NCBP3: variants seen among roughly 807,000 people sequenced by gnomAD.
The protein encoded by NCBP3 is nuclear cap-binding protein subunit 3.
Under a neutral mutation model 75.7 loss-of-function variants are expected in NCBP3, and 20 were observed. The ratio of observed to expected loss-of-function variants is 0.26; its 90% CI spans 0.19 to 0.38. NCBP3 has a LOEUF of 0.38. Among genes scored for constraint, NCBP3 ranks in the 10% least tolerant of loss-of-function variants. The pLI is 1.00. For synonymous variants in NCBP3, 293 were observed against 290.5 expected (o/e 1.01, Z -0.09); for missense variants, 678 against 796.9 (o/e 0.85, Z 1.80).
chr17:3,838,594 C>T (rs75843007), intron 3 of NCBP3, among the ~76,000 whole-genome samples: 6 of 152,288 alleles, frequency 3.9e-5, no homozygotes, highest in Middle Eastern at 3.4e-3. Context: ...TGAGGAGGGA[C>T]GCAATATCAG....
intron 11 of NCBP3, 21 bp downstream of exon 11, chr17:3,816,095 A>G: frequency 6.2e-7 from 1 of 1,602,020 alleles, no homozygotes; most frequent in South Asian, 1.1e-5. Flanking sequence ...TCCAGCCAGG[A>G]ATCCAAGTGA....
chr17:3,816,350 G>T, intron 10 of NCBP3, 80 bp from the exon 11 acceptor site: 1 of 1,264,084 alleles, frequency 7.9e-7, no homozygotes, highest in Non-Finnish European at 1.1e-6. Flanking sequence ...CTCATACTTT[G>T]GAGGAAACAA....
intron 12 of NCBP3, among the ~76,000 whole-genome samples, chr17:3,813,696 C>T (rs1184117047): frequency 6.6e-6 from 1 of 152,116 alleles, no homozygotes; most frequent in African/African-American, 2.4e-5. Context: ...TAGAGAAATA[C>T]GTGTTTAGAA....
At position 3,805,292 on chromosome 17, in the gene NCBP3, A is replaced by C. The variant is rs1014518772; in HGVS notation, c.*7752T>G. 6.6e-6 allele frequency: 1 copy of C among 152,210 alleles called. No individual in the cohort carries two copies. Among genetic ancestry groups the C allele is most frequent in the Non-Finnish European group, 1.5e-5 (1 of 68,072 alleles). 9.4% of individuals were successfully genotyped at this position (152,210 alleles called of 1,614,324 possible). ...TGGTGTGTAAACTTTAAAAAAGCAG[A>C]GATTTCATCCCACAAATGCAGACTG... On this transcript the variant is annotated 3_prime_UTR_variant, in exon 13 of 13. Coordinates refer to ENST00000389005, the MANE Select transcript of NCBP3 (RefSeq NM_001114118.3).
chr17:3,834,665 T>C (rs1382054641), intron 3 of NCBP3, among the ~76,000 whole-genome samples: 1 of 152,042 alleles, frequency 6.6e-6, no homozygotes, highest in Non-Finnish European at 1.5e-5. Flanking sequence ...ATCCCAGTAC[T>C]TTGGGAAGCT....
At chr17:3,831,298 G>A (rs2053873249) in intron 3 of NCBP3, among the ~76,000 whole-genome samples, 1 of 151,810 alleles carries the variant, frequency 6.6e-6, no homozygotes, top group East Asian at 1.9e-4. Flanking sequence ...TTAAGGTCGG[G>A]CGCGGTCGCT....
chr17:3,833,839 T>C (rs527997215), intron 3 of NCBP3, among the ~76,000 whole-genome samples: 35 of 152,320 alleles, frequency 2.3e-4, no homozygotes, highest in Non-Finnish European at 2.9e-4. Flanking sequence ...TAAAATTAAA[T>C]TTTTTGTCAG....
At chr17:3,830,123 C>T (rs990823181) in intron 3 of NCBP3, among the ~76,000 whole-genome samples, 7 of 152,074 alleles carry the variant, frequency 4.6e-5, no homozygotes, top group Non-Finnish European at 7.4e-5. Context: ...ATCGTCACTG[C>T]GGAGGGCAAA....
intron 3 of NCBP3, among the ~76,000 whole-genome samples, chr17:3,829,626 C>T (rs141293200): frequency 4.7e-4 from 71 of 152,336 alleles, no homozygotes; most frequent in East Asian, 1.3e-3. Flanking sequence ...ATAAAATACA[C>T]GATACCTCTC....
At chr17:3,826,050 G>A in intron 5 of NCBP3, 37 bp downstream of exon 5, 2 of 1,539,902 alleles carry the variant, frequency 1.3e-6, no homozygotes, top group Non-Finnish European at 1.8e-6. Flanking sequence ...TAAAGAAGAG[G>A]ACTTTCAGAC....
Position 3,807,316 on chromosome 17 carries a change from T to C in NCBP3, c.*5728A>G, listed in dbSNP as rs907720122. 6 of 152,268 alleles carry C rather than the reference T, an allele frequency of 3.9e-5. No homozygotes were observed. The highest frequency in any genetic ancestry group is 1.4e-4 in the African/African-American group (6 of 41,468). 9.4% of individuals were successfully genotyped at this position (152,268 alleles called of 1,614,324 possible). A position where few individuals can be genotyped will look rare whatever the true frequency, so the allele number is the denominator to read the frequency against. On this transcript the variant is annotated 3_prime_UTR_variant, in exon 13 of 13. Coordinates refer to ENST00000389005, the MANE Select transcript of NCBP3 (RefSeq NM_001114118.3). ...ATTTTGGACCATCTGCATGATTCCCTAGCAAATGCTTTAGAGAGCTGGTAA... is the reference window on the plus strand; with the variant it reads ...ATTTTGGACCATCTGCATGATTCCCCAGCAAATGCTTTAGAGAGCTGGTAA...
chr17:3,846,210 C>G lies in NCBP3; in HGVS notation c.14G>C (p.Arg5Pro). The G allele has an allele frequency of 2.1e-6, 3 of 1,449,020 alleles. No homozygotes were observed. The highest frequency in any genetic ancestry group is 1.4e-5 in the South Asian group (1 of 71,076). The allele number at this position is 1,449,020 out of a possible 1,614,324, so 89.8% of individuals were successfully genotyped here. A position where few individuals can be genotyped will look rare whatever the true frequency, so the allele number is the denominator to read the frequency against. ...CGCCTTCACCGACACCCGCAGGCCC[C>G]GTACGGCCGCCATCGCTGCCTGCCG... MAAV[R>P]GLRVSVKAEA... Residue 5 changes from arginine (R) to proline (P), a missense_variant, in exon 1 of 13, where the codon CGG (arginine) becomes CCG (proline). This residue lies in a region of NCBP3 where 76 missense variants were observed against 53.8 expected (regional missense o/e 1.41). Transcript: ENST00000389005. This position sits in a 1 kb window ranked among gnomAD's most constrained non-coding sequence, Gnocchi z 4.6.
At chr17:3,834,913 T>C (rs987353869) in intron 3 of NCBP3, among the ~76,000 whole-genome samples, 34 of 152,066 alleles carry the variant, frequency 2.2e-4, no homozygotes, top group Admixed American at 6.5e-5. Flanking sequence ...AGAGAATACA[T>C]AGACGGTGCT....
At position 3,821,350 on chromosome 17, in the gene NCBP3, T is replaced by C; in HGVS notation, c.899A>G (p.Lys300Arg). Residue 300 changes from lysine (K) to arginine (R), a missense_variant and splice_region_variant, in exon 9 of 13, where the codon AAG becomes AGG. Physicochemically the swap from Lys to Arg is conservative, Grantham distance 26 (BLOSUM62 2). Around this residue, in one of 7 missense-constraint regions of NCBP3, gnomAD observed 38 missense variants for 78.9 expected, o/e 0.48. Transcript: ENST00000389005. ...AATACGACGGGAATGATATCTTCGC[T>C]TCCTGCAAGAATGCCAAAATAAGCA... is the stretch of plus-strand genomic sequence containing the variant. ...GMKGILSNSW[K>R]RRYHSRRIQR... 1 of 1,612,816 alleles carries C rather than the reference T, an allele frequency of 6.2e-7. No homozygotes were observed. Among genetic ancestry groups the C allele is most frequent in the East Asian group, 2.2e-5 (1 of 44,862 alleles).
At chr17:3,817,624 G>A (rs976158271) in intron 10 of NCBP3, among the ~76,000 whole-genome samples, 1 of 151,334 alleles carries the variant, frequency 6.6e-6, no homozygotes, top group Non-Finnish European at 1.5e-5. Context: ...GCGAGACTCC[G>A]TCTCAAAAAA....
intron 3 of NCBP3, among the ~76,000 whole-genome samples, chr17:3,833,545 G>A (rs753796906): frequency 1.1e-4 from 16 of 152,146 alleles, no homozygotes; most frequent in Non-Finnish European, 2.1e-4. Context: ...AGTGGCTCAT[G>A]CCCATAATCC....
At position 3,810,943 on chromosome 17, in the gene NCBP3, G is replaced by C. The variant is rs764918975; in HGVS notation, c.*2101C>G. 1 of 152,456 alleles carries C rather than the reference G, an allele frequency of 6.6e-6. No individual in the cohort carries two copies. The highest frequency in any genetic ancestry group is 1.5e-5 in the Non-Finnish European group (1 of 68,194). The allele number at this position is 152,456 out of a possible 1,614,324, so 9.4% of individuals were successfully genotyped here. On this transcript the variant is annotated 3_prime_UTR_variant, in exon 13 of 13. Transcript: ENST00000389005. ...TGTGAAGGAGCATATTCTAAACCCT[G>C]CAGAGGCATGCCAGCTGGGACGCTG...
chr17:3,837,551 T>C (rs1448436749), intron 3 of NCBP3, among the ~76,000 whole-genome samples: 2 of 150,030 alleles, frequency 1.3e-5, no homozygotes, highest in Non-Finnish European at 3.0e-5. Flanking sequence ...GGTCAGGAGC[T>C]TGAAACCCTG....
intron 3 of NCBP3, among the ~76,000 whole-genome samples, chr17:3,830,301 T>C (rs1320122066): frequency 1.3e-5 from 2 of 152,186 alleles, no homozygotes; most frequent in African/African-American, 4.8e-5. Flanking sequence ...ACCAGGGTAA[T>C]AAATTATGCT....
Sources: gnomAD v4.1 joint callset for allele counts (sites outside exome capture counted in the v4.1 genomes callset) on GRCh38, gnomAD v4.1.1 for gene constraint, gnomAD v4.1.1 regional missense constraint, Gnocchi (gnomAD v3.1) non-coding constraint, MANE v1.5 for transcripts, NCBI Gene and HGNC (gene_info 2026-07-23, HGNC 2026-07-21) for gene names.